IGSF10: variants seen among roughly 807,000 people sequenced by gnomAD.
The protein encoded by IGSF10 is immunoglobulin superfamily member 10.
Under a neutral mutation model 128.2 loss-of-function variants are expected in IGSF10, and 126 were observed. That is an observed-to-expected ratio of 0.98 (90% CI 0.85 to 1.14). The LOEUF (loss-of-function observed/expected upper bound fraction) is 1.14. IGSF10 is among the 50% of genes most tolerant of loss of function. The probability of loss-of-function intolerance (pLI) is 0.00; values close to 1 mark genes in which losing one functional copy is unlikely to be tolerated. For synonymous variants in IGSF10, 1,185 were observed against 1,146.2 expected (o/e 1.03, Z -0.68); for missense variants, 3,295 against 3,149.8 (o/e 1.05, Z -1.10).
chr3:151,482,370 C>T, the IGSF10 span, among the ~76,000 whole-genome samples: 15 of 152,082 alleles, frequency 9.9e-5, no homozygotes, highest in Admixed American at 4.6e-4. Flanking sequence ...AAAACAACCA[C>T]CAACACCACT....
the IGSF10 span, among the ~76,000 whole-genome samples, chr3:151,587,833 G>T: frequency 6.6e-6 from 1 of 152,208 alleles, no homozygotes; most frequent in African/African-American, 2.4e-5. Flanking sequence ...GAGTTTGCCT[G>T]CACAAGCTCT....
At chr3:151,577,310 C>T in the IGSF10 span, among the ~76,000 whole-genome samples, 22 of 152,128 alleles carry the variant, frequency 1.4e-4, no homozygotes, top group East Asian at 5.8e-4. Context: ...TGGAAGAACC[C>T]GGATTTGGGA....
At chr3:151,491,888 C>T in the IGSF10 span, among the ~76,000 whole-genome samples, 1 of 151,988 alleles carries the variant, frequency 6.6e-6, no homozygotes, top group African/African-American at 2.4e-5. Context: ...GATATAAAAA[C>T]CTTCAATAAA....
chr3:151,446,372 A>T lies in IGSF10; in HGVS notation c.3609T>A (p.Ile1203=), dbSNP rs750921473. 10 of 1,612,898 alleles carry T rather than the reference A, an allele frequency of 6.2e-6. No individual in the cohort carries two copies. Among genetic ancestry groups the T allele is most frequent in the South Asian group, 3.3e-5 (3 of 91,012 alleles). The part of the protein sequence containing the change: ...IAITRFSRRK[I]PWQQNFVNNH... The stretch of plus-strand genomic sequence containing the variant: ...TATTTACAAAGTTCTGTTGCCAGGG[A>T]ATTTTCCTTCTTGAAAACCTTGTAA... Residue 1203 remains isoleucine (I), a synonymous_variant, in exon 6 of 8, where the codon ATT becomes ATA. Transcript: ENST00000282466.
At chr3:151,611,073 G>T in the IGSF10 span, among the ~76,000 whole-genome samples, 3 of 152,284 alleles carry the variant, frequency 2.0e-5, no homozygotes, top group East Asian at 5.8e-4. Flanking sequence ...TAGTAGGTTG[G>T]TTCAAAAGGA....
chr3:151,541,788 G>A, the IGSF10 span, among the ~76,000 whole-genome samples: 10 of 152,236 alleles, frequency 6.6e-5, no homozygotes, highest in East Asian at 1.9e-3. Flanking sequence ...GTGGATGAGT[G>A]GATAGATAGA....
chr3:151,445,367 G>A lies in IGSF10; in HGVS notation c.4614C>T (p.Thr1538=), dbSNP rs1377127826. The A allele has an allele frequency of 6.2e-7, 1 of 1,614,104 alleles. No homozygotes were observed. Residue 1538 remains threonine, a synonymous_variant, in exon 6 of 8, where the codon ACC becomes ACT. Coordinates refer to ENST00000282466, the MANE Select transcript of IGSF10 (RefSeq NM_178822.5). ...ACAGATTAGAGTAGATGAAGTGAGT[G>A]GTTCCAATTGTGAACTTGGCATTTG... The part of the protein sequence containing the change: ...VHPNAKFTIG[T]THFIYSNLLH...
chr3:151,551,635 A>G, the IGSF10 span, among the ~76,000 whole-genome samples: 23 of 150,732 alleles, frequency 1.5e-4, no homozygotes, highest in Non-Finnish European at 3.1e-4. Context: ...AATTTTTAAG[A>G]TATAAAATGC....
the IGSF10 span, among the ~76,000 whole-genome samples, chr3:151,522,552 ATG>A: frequency 9.9e-5 from 15 of 152,156 alleles, no homozygotes; most frequent in Admixed American, 9.8e-4. Context: ...AAATCAATAA[ATG>A]TGATTCATCA....
the IGSF10 span, among the ~76,000 whole-genome samples, chr3:151,483,570 G>A: frequency 1.3e-5 from 2 of 151,776 alleles, no homozygotes; most frequent in African/African-American, 2.4e-5. Context: ...CATCAAGATC[G>A]ACACAGAAGG....
chr3:151,505,654 G>A, the IGSF10 span, among the ~76,000 whole-genome samples: 2 of 152,122 alleles, frequency 1.3e-5, no homozygotes, highest in African/African-American at 4.8e-5. Context: ...TGTTACAGTG[G>A]ACATTGCAAA....
Position 151,453,443 on chromosome 3 carries a change from T to G in IGSF10, c.656A>C (p.Asn219Thr). 3 of 1,613,124 alleles carry G rather than the reference T, an allele frequency of 1.9e-6. No homozygotes were observed. The highest frequency in any genetic ancestry group is 2.5e-6 in the Non-Finnish European group (3 of 1,179,744). ...TAAATGGCAATCACAGGTCCATGGG[T>G]TTCCATGCAGGTAAAGGCTGTCTAG... Reference protein sequence around the residue: ...PDLDSLYLHGNPWTCDCHLKW... With the variant: ...PDLDSLYLHGTPWTCDCHLKW... Residue 219 changes from asparagine to threonine, a missense_variant, in exon 5 of 8, where the codon AAC becomes ACC. Physicochemically the swap from Asn to Thr is moderately conservative, Grantham distance 65. Coordinates refer to ENST00000282466, the MANE Select transcript of IGSF10 (RefSeq NM_178822.5).
the IGSF10 span, among the ~76,000 whole-genome samples, chr3:151,545,756 G>C: frequency 6.6e-6 from 1 of 152,058 alleles, no homozygotes. Context: ...CTTTGTCCTT[G>C]AATTTGTACT....
the IGSF10 span, among the ~76,000 whole-genome samples, chr3:151,520,420 A>C: frequency 1.3e-5 from 2 of 151,808 alleles, no homozygotes; most frequent in East Asian, 3.9e-4. Context: ...AACTGATAAA[A>C]ATTTTATTCC....
chr3:151,537,754 C>G, the IGSF10 span, among the ~76,000 whole-genome samples: 3 of 152,124 alleles, frequency 2.0e-5, no homozygotes, highest in African/African-American at 4.8e-5. Flanking sequence ...GGATTTTTGT[C>G]AAGCTCTCTG....
At chr3:151,439,549 G>C (rs1325242513) in intron 7 of IGSF10, among the ~76,000 whole-genome samples, 1 of 148,598 alleles carries the variant, frequency 6.7e-6, no homozygotes, top group South Asian at 2.2e-4. Context: ...AGGAGGCTGG[G>C]GTTGCAGTGA....
the IGSF10 span, among the ~76,000 whole-genome samples, chr3:151,613,361 C>T: frequency 1.3e-5 from 2 of 152,068 alleles, no homozygotes; most frequent in African/African-American, 2.4e-5. Flanking sequence ...GAGCCCGCAT[C>T]GCCAAGTCAA....
chr3:151,437,755 G>A lies in IGSF10; in HGVS notation c.6806C>T (p.Pro2269Leu), dbSNP rs1197947098. The A allele has an allele frequency of 6.2e-7, 1 of 1,613,898 alleles. No individual in the cohort carries two copies. The highest frequency in any genetic ancestry group is 8.5e-7 in the Non-Finnish European group (1 of 1,179,998). Residue 2269 changes from proline (P) to leucine (L), a missense_variant, in exon 8 of 8, where the codon CCT becomes CTT. Transcript: ENST00000282466. ...FDCRAEGTPS[P>L]EVMWIMPDNI... is the part of the protein sequence containing the mutation. ...GTCTGGCATGATCCACATGACTTCA[G>A]GAGATGGTGTCCCTTCAGCTCTGCA... is the stretch of plus-strand genomic sequence containing the variant.
the IGSF10 span, among the ~76,000 whole-genome samples, chr3:151,469,394 C>T: frequency 6.6e-6 from 1 of 151,990 alleles, no homozygotes; most frequent in Non-Finnish European, 1.5e-5. Flanking sequence ...GTATCTGAAC[C>T]CATCCAATTA....
Sources: allele counts gnomAD v4.1 joint callset (sites outside exome capture counted in the v4.1 genomes callset), GRCh38; gene constraint gnomAD v4.1.1; transcripts MANE v1.5; gene names NCBI Gene and HGNC (gene_info 2026-07-23, HGNC 2026-07-21).